Variants in ATP6V1E2 observed in about 807,000 individuals in gnomAD.
ATP6V1E2 encodes V-type proton ATPase subunit E 2.
For synonymous variants in ATP6V1E2, 121 were observed against 104.2 expected, an observed-to-expected ratio of 1.16 and a Z score of -0.98; for missense variants, 308 against 273.3, an observed-to-expected ratio of 1.13 and a Z score of -0.90.
chr2:46,527,153 A>C (rs1358158874), intron 4 of ATP6V1E2, among the ~76,000 whole-genome samples: 1 of 152,056 alleles, frequency 6.6e-6, no homozygotes, highest in Non-Finnish European at 1.5e-5. Context: ...CTCCTGGCTC[A>C]AGCAATCTTC....
In ATP6V1E2 at chr2:46,530,216, A is replaced by G. The variant is rs368785227; in HGVS notation, c.-102+5597T>C. 6.6e-6 allele frequency among the ~76,000 whole-genome samples: 1 copy of G among 152,112 alleles called. No homozygotes were observed. The highest frequency in any genetic ancestry group is 6.5e-5 in the Admixed American group (1 of 15,274). On this transcript the variant is annotated intron_variant, in intron 4 of 4. Transcript: ENST00000522587. This position sits in a 1 kb window ranked among gnomAD's most constrained non-coding sequence, Gnocchi z 5.2. The stretch of plus-strand genomic sequence containing the variant: ...CCAGCCCCAGGATTCCCTGGTCCCT[A>G]CAGCATGTGAGACACCAGGATGGCG...
chr2:46,525,055 A>G (rs1018162801), intron 4 of ATP6V1E2, among the ~76,000 whole-genome samples: 6 of 152,182 alleles, frequency 3.9e-5, no homozygotes, highest in Non-Finnish European at 8.8e-5. Context: ...GGGCCAGGAC[A>G]CAAGACAAGG....
rs1414022037 is a variant in ATP6V1E2, at chr2:46,533,203, G to GTACA, written c.-102+2609_-102+2610insTGTA. Among the ~76,000 whole-genome samples, 113 of 148,288 alleles carry GTACA rather than the reference G, an allele frequency of 7.6e-4. 1 individual carries two copies. In the South Asian group the frequency reaches 0.022, roughly 29 times the overall value. On this transcript the variant is annotated intron_variant, in intron 4 of 4. Transcript: ENST00000522587. ...TCATATATAGTGTGTGCATGTATGT[G>GTACA]TAGATAGATAGATAGATAGATAGAT...
At chr2:46,532,799 C>G (rs1345736463) in intron 4 of ATP6V1E2, among the ~76,000 whole-genome samples, 2 of 152,158 alleles carry the variant, frequency 1.3e-5, no homozygotes, top group Admixed American at 6.5e-5. Context: ...ACTTCCCAGC[C>G]TCTAGAACTA....
chr2:46,515,985 A>G (rs1464537403), intron 4 of ATP6V1E2, among the ~76,000 whole-genome samples: 3 of 152,256 alleles, frequency 2.0e-5, no homozygotes, highest in Non-Finnish European at 2.9e-5. Context: ...TAGAACACTT[A>G]TAAATATATA....
chr2:46,521,559 G>C (rs567721109), intron 4 of ATP6V1E2, among the ~76,000 whole-genome samples: 1 of 152,190 alleles, frequency 6.6e-6, no homozygotes, highest in African/African-American at 2.4e-5. Flanking sequence ...GCTTTCCAGA[G>C]CTTGGAGCAC....
intron 2 of ATP6V1E2, among the ~76,000 whole-genome samples, chr2:46,540,147 C>A (rs1667654648): frequency 6.6e-6 from 1 of 152,026 alleles, no homozygotes; most frequent in Admixed American, 6.6e-5. Context: ...CTGTTCTCAG[C>A]CAGATGCAGT....
At position 46,530,057 on chromosome 2, in the gene ATP6V1E2, C is replaced by G. The variant is rs1294670146; in HGVS notation, c.-102+5756G>C. 6.6e-6 allele frequency among the ~76,000 whole-genome samples: 1 copy of G among 152,150 alleles called. No individual in the cohort carries two copies. The highest frequency in any genetic ancestry group is 1.5e-5 in the Non-Finnish European group (1 of 68,028). ...TTGCAAAGGGGGTTGAAGGATATCC[C>G]TGACTGTAAGGCATCTGCTGGAAAT... On this transcript the variant is annotated intron_variant, in intron 4 of 4. Transcript: ENST00000522587. This position sits in a 1 kb window ranked among gnomAD's most constrained non-coding sequence, Gnocchi z 5.2.
At chr2:46,525,139 C>T (rs1433318609) in intron 4 of ATP6V1E2, among the ~76,000 whole-genome samples, 1 of 152,174 alleles carries the variant, frequency 6.6e-6, no homozygotes, top group Non-Finnish European at 1.5e-5. Context: ...CCTCTGGCTA[C>T]ACAGAACAGA....
chr2:46,533,460 G>C (rs1425143737), intron 4 of ATP6V1E2, among the ~76,000 whole-genome samples: 1 of 152,040 alleles, frequency 6.6e-6, no homozygotes, highest in African/African-American at 2.4e-5. Flanking sequence ...TTTTTGTAGA[G>C]ATGGGGTTTT....
At chr2:46,539,301 A>C (rs1344738842) in intron 2 of ATP6V1E2, among the ~76,000 whole-genome samples, 2 of 152,182 alleles carry the variant, frequency 1.3e-5, no homozygotes, top group Non-Finnish European at 2.9e-5. Context: ...CCTTCATTAC[A>C]TCCTCGCTCC....
intron 2 of ATP6V1E2, among the ~76,000 whole-genome samples, chr2:46,538,243 G>C (rs1424685461): frequency 6.6e-6 from 1 of 152,136 alleles, no homozygotes; most frequent in African/African-American, 2.4e-5. Context: ...GTCTCAGAGT[G>C]ACCTTCCCAA....
intron 4 of ATP6V1E2, among the ~76,000 whole-genome samples, chr2:46,515,892 A>C (rs1294977185): frequency 6.6e-6 from 1 of 152,220 alleles, no homozygotes; most frequent in Non-Finnish European, 1.5e-5. Context: ...TACTGATGTC[A>C]GACAAAATAG....
At chr2:46,516,076 T>C (rs75266624) in intron 4 of ATP6V1E2, among the ~76,000 whole-genome samples, 2,738 of 152,240 alleles carry the variant, frequency 0.018, 84 homozygotes, top group African/African-American at 0.06. Context: ...AATACAATAA[T>C]AGTAGGAAAT....
In ATP6V1E2 at chr2:46,530,712, C is replaced by G. The variant is rs1465662413; in HGVS notation, c.-102+5101G>C. Among the ~76,000 whole-genome samples, 1 of 152,180 alleles carries G rather than the reference C, an allele frequency of 6.6e-6. No individual in the cohort carries two copies. Among genetic ancestry groups the G allele is most frequent in the Non-Finnish European group, 1.5e-5 (1 of 68,038 alleles). ...ATAAAGGAAAGAGGTTTCATTGACTCACAGTTCAGCATGTCTGGGGAGGCC... is the reference window on the plus strand; with the variant it reads ...ATAAAGGAAAGAGGTTTCATTGACTGACAGTTCAGCATGTCTGGGGAGGCC... On this transcript the variant is annotated intron_variant, in intron 4 of 4. Transcript: ENST00000522587. This position sits in a 1 kb window ranked among gnomAD's most constrained non-coding sequence, Gnocchi z 5.2.
chr2:46,525,482 A>G (rs1450277828), intron 4 of ATP6V1E2, among the ~76,000 whole-genome samples: 12 of 148,840 alleles, frequency 8.1e-5, no homozygotes, highest in Non-Finnish European at 7.5e-5. Flanking sequence ...AAAAAGAAAA[A>G]AAAAAAAGAA....
At chr2:46,538,165 G>C (rs1187780501) in intron 2 of ATP6V1E2, among the ~76,000 whole-genome samples, 7 of 152,098 alleles carry the variant, frequency 4.6e-5, no homozygotes, top group African/African-American at 7.2e-5. Flanking sequence ...GGGTCAGACT[G>C]TTGTGATCTG....
intron 4 of ATP6V1E2, among the ~76,000 whole-genome samples, chr2:46,520,180 CA>C (rs1666538474): frequency 6.6e-6 from 1 of 152,196 alleles, no homozygotes; most frequent in Admixed American, 6.5e-5. Context: ...GACATGAAGG[CA>C]GCTGCAGGGC....
At chr2:46,529,423 T>A (rs1667075194) in intron 4 of ATP6V1E2, among the ~76,000 whole-genome samples, 1 of 152,244 alleles carries the variant, frequency 6.6e-6, no homozygotes, top group South Asian at 2.1e-4. Context: ...TGCACTCATC[T>A]CAACCCTGCC....
Sources: gnomAD v4.1 joint callset for allele counts (sites outside exome capture counted in the v4.1 genomes callset) on GRCh38, gnomAD v4.1.1 for gene constraint, Gnocchi (gnomAD v3.1) non-coding constraint, MANE v1.5 for transcripts, NCBI Gene and HGNC (gene_info 2026-07-23, HGNC 2026-07-21) for gene names.